The following BEND7 variants were observed in gnomAD, a reference collection of about 807,000 sequenced individuals.
BEND7 encodes the protein BEN domain containing 7, also known as BEN domain-containing protein 7.
A neutral mutation model predicts 50.9 loss-of-function variants in BEND7; 28 were observed. The ratio of observed to expected loss-of-function variants is 0.55; its 90% CI spans 0.41 to 0.75. The LOEUF is 0.75. Among genes scored for constraint, BEND7 ranks in the 30% least tolerant of loss-of-function variants. BEND7 has a pLI of 0.00. For synonymous variants in BEND7, 170 were observed against 183.9 expected (o/e 0.92, Z 0.61); for missense variants, 477 against 491.3 (o/e 0.97, Z 0.28).
In BEND7 at chr10:13,454,438, CTCAA is replaced by C. The variant is rs36049312; in HGVS notation, c.1064-1784_1064-1781del. Reference sequence around the variant, plus strand: ...CCTGGGCAATACAGTGAGACCCTGTCTCAATCAATCAATCAATCCATCAGTCAAT... The same window carrying C: ...CCTGGGCAATACAGTGAGACCCTGTCTCAATCAATCAATCCATCAGTCAAT... On this transcript the variant is annotated intron_variant, in intron 6 of 8. Coordinates refer to ENST00000466271, the MANE Select transcript of BEND7 (RefSeq NM_001369863.1). 1.1e-4 allele frequency among the ~76,000 whole-genome samples: 17 copies of C among 151,446 alleles called. No individual in the cohort carries two copies. The South Asian group carries it at 3.6e-3, about 32-fold the overall frequency.
At chr10:13,465,629 A>C (rs1047884048) in intron 6 of BEND7, among the ~76,000 whole-genome samples, 4 of 152,224 alleles carry the variant, frequency 2.6e-5, no homozygotes, top group Admixed American at 2.6e-4. Context: ...ATAACCTCTG[A>C]ACCACAGAAT....
intron 2 of BEND7, among the ~76,000 whole-genome samples, chr10:13,503,818 A>G (rs2077661841): frequency 6.6e-6 from 1 of 152,236 alleles, no homozygotes; most frequent in Non-Finnish European, 1.5e-5. Flanking sequence ...GTGAGCTGAG[A>G]GTCGGCAGGG....
At chr10:13,477,709 T>G (rs908360722) in intron 6 of BEND7, among the ~76,000 whole-genome samples, 1 of 152,244 alleles carries the variant, frequency 6.6e-6, no homozygotes, top group South Asian at 2.1e-4. Context: ...TGTTAAAAAT[T>G]TACAACAATG....
At chr10:13,441,807 GA>G in intron 8 of BEND7, 57 bp from the exon 9 acceptor site, 5 of 1,541,972 alleles carry the variant, frequency 3.2e-6, no homozygotes, top group Admixed American at 3.4e-5. Flanking sequence ...GCCAGAAATG[GA>G]AAAAGGCTAA....
downstream of BEND7, among the ~76,000 whole-genome samples, chr10:13,440,437 G>C (rs907806364): frequency 5.3e-5 from 8 of 152,354 alleles, 1 homozygote; most frequent in African/African-American, 9.6e-5. Flanking sequence ...CCCTGCCCAG[G>C]TGCGGGTGCC....
chr10:13,470,428 C>CT lies in BEND7; in HGVS notation c.1063+10470_1063+10471insA, dbSNP rs376128550. Reference sequence around the variant, plus strand: ...TTTGACAGGAGGCTGTTTTTGTCACCCCTAGTGGTGGTGTTAAAATGCAGG... The same window carrying CT: ...TTTGACAGGAGGCTGTTTTTGTCACCTCCTAGTGGTGGTGTTAAAATGCAGG... On this transcript the variant is annotated intron_variant, in intron 6 of 8. Coordinates refer to ENST00000466271, the MANE Select transcript of BEND7 (RefSeq NM_001369863.1). Among the ~76,000 whole-genome samples the CT allele has an allele frequency of 6.2e-3, 942 of 152,248 alleles. 7 individuals are homozygous for CT. Among genetic ancestry groups the CT allele is most frequent in the African/African-American group, 0.022 (920 of 41,554 alleles).
chr10:13,462,978 A>G (rs2073862268), intron 6 of BEND7, among the ~76,000 whole-genome samples: 1 of 152,234 alleles, frequency 6.6e-6, no homozygotes, highest in Non-Finnish European at 1.5e-5. Flanking sequence ...ACACTGGAAT[A>G]TCTTCAAATC....
At chr10:13,461,120 C>G (rs1376356204) in intron 6 of BEND7, among the ~76,000 whole-genome samples, 14 of 151,956 alleles carry the variant, frequency 9.2e-5, no homozygotes, top group Admixed American at 8.5e-4. Flanking sequence ...TGAGCTGAAA[C>G]CAAAGAAAAA....
chr10:13,439,462 C>T (rs1835071879), downstream of BEND7: 1 of 1,613,094 alleles, frequency 6.2e-7, no homozygotes. Flanking sequence ...GCTGCACTCC[C>T]ACCCGGCAGA....
At chr10:13,438,795 GA>G, downstream of BEND7, 1 of 202,632 alleles carries the variant, frequency 4.9e-6, no homozygotes, top group Non-Finnish European at 1.0e-5. Flanking sequence ...GGATACAGCG[GA>G]AAGGAGAGCG....
intron 3 of BEND7, 173 bp from the exon 4 acceptor site, chr10:13,497,061 T>TG (rs1301853641): frequency 6.5e-6 from 5 of 775,054 alleles, no homozygotes; most frequent in African/African-American, 5.3e-5. Context: ...AACCTAAATC[T>TG]GGGGGTCTGA....
intron 6 of BEND7, among the ~76,000 whole-genome samples, chr10:13,475,709 A>AG (rs933645338): frequency 1.8e-4 from 27 of 151,584 alleles, no homozygotes; most frequent in Admixed American, 3.3e-4. Context: ...AAAGAATCCA[A>AG]ATGCTAGAGT....
In BEND7 at chr10:13,499,204, G is replaced by A. The variant is rs749665504; in HGVS notation, c.448+574C>T. ...ATTTGATTCTTTTCTTAACAATTAG[G>A]AAACTTAAATTAAGAAAATTTTACT... On this transcript the variant is annotated intron_variant, in intron 3 of 8. Transcript: ENST00000466271. Among the ~76,000 whole-genome samples the A allele has an allele frequency of 3.6e-4, 55 of 152,118 alleles. 1 individual carries two copies. The highest frequency in any genetic ancestry group is 6.6e-4 in the Non-Finnish European group (45 of 68,018).
chr10:13,452,713 C>A, intron 6 of BEND7, 55 bp from the exon 7 acceptor site: 1 of 1,469,066 alleles, frequency 6.8e-7, no homozygotes, highest in Non-Finnish European at 9.2e-7. Context: ...ATATGCAGAT[C>A]TGAAACAGAA....
At chr10:13,489,994 ACT>A (rs2076532434) in intron 5 of BEND7, among the ~76,000 whole-genome samples, 3 of 152,112 alleles carry the variant, frequency 2.0e-5, no homozygotes, top group South Asian at 2.1e-4. Context: ...TGCTCACAAC[ACT>A]CTGCCATTTT....
At chr10:13,473,916 G>C (rs4750366) in intron 6 of BEND7, among the ~76,000 whole-genome samples, 107,580 of 150,712 alleles carry the variant, frequency 0.71, 38,452 homozygotes, top group East Asian at 0.88. Flanking sequence ...CGATACCTGT[G>C]ATCACTGTTA....
At chr10:13,518,047 C>T (rs897976036) in intron 2 of BEND7, among the ~76,000 whole-genome samples, 1 of 152,234 alleles carries the variant, frequency 6.6e-6, no homozygotes, top group African/African-American at 2.4e-5. Flanking sequence ...TGATTTTCCT[C>T]AGAAAACAAA....
intron 6 of BEND7, among the ~76,000 whole-genome samples, chr10:13,473,094 C>T (rs11258402): frequency 0.53 from 79,715 of 151,360 alleles, 21,898 homozygotes; most frequent in East Asian, 0.75. Flanking sequence ...TATCCATCAT[C>T]GTTGTTAGAT....
chr10:13,495,835 C>T (rs1366114968), intron 4 of BEND7, among the ~76,000 whole-genome samples: 2 of 152,170 alleles, frequency 1.3e-5, no homozygotes, highest in African/African-American at 4.8e-5. Context: ...GAGTGACGAC[C>T]TTCCGGACTA....
Sources: allele counts gnomAD v4.1 joint callset (sites outside exome capture counted in the v4.1 genomes callset), GRCh38; gene constraint gnomAD v4.1.1; transcripts MANE v1.5; gene names NCBI Gene and HGNC (gene_info 2026-07-23, HGNC 2026-07-21).